ADAM22: variants seen among roughly 807,000 people sequenced by gnomAD.
ADAM22 encodes disintegrin and metalloproteinase domain-containing protein 22.
ADAM22 carries 65 observed loss-of-function variants against 144.6 expected under a neutral mutation model. That is an observed-to-expected ratio of 0.45 (90% CI 0.37 to 0.55). The LOEUF (loss-of-function observed/expected upper bound fraction) is 0.55, where lower values mean the gene tolerates loss of function less well. ADAM22 is among the 20% of genes least tolerant of loss of function. The pLI, the probability that ADAM22 is intolerant of heterozygous loss-of-function variation, is 0.00. For missense variants in ADAM22, 974 were observed against 1,184.9 expected (o/e 0.82, Z 2.61); for synonymous variants, 391 against 412.6 (o/e 0.95, Z 0.63).
intron 3 of ADAM22, among the ~76,000 whole-genome samples, chr7:88,041,776 A>G (rs1049608969): frequency 6.6e-6 from 1 of 151,928 alleles, no homozygotes; most frequent in African/African-American, 2.4e-5. Context: ...TGAATAATCA[A>G]ATTATGGCTT....
At chr7:88,117,168 A>G (rs1049386195) in intron 7 of ADAM22, among the ~76,000 whole-genome samples, 1 of 152,170 alleles carries the variant, frequency 6.6e-6, no homozygotes, top group Admixed American at 6.5e-5. Context: ...TTCCCTATTT[A>G]TTGTTTTCCT....
chr7:88,088,289 C>T (rs1481425579), intron 4 of ADAM22, among the ~76,000 whole-genome samples: 3 of 152,156 alleles, frequency 2.0e-5, no homozygotes, highest in Non-Finnish European at 4.4e-5. Flanking sequence ...CTTCTGTTCA[C>T]ATCTGTCTTC....
At chr7:87,944,062 G>C (rs1166268040) in intron 2 of ADAM22, among the ~76,000 whole-genome samples, 4 of 151,968 alleles carry the variant, frequency 2.6e-5, no homozygotes, top group African/African-American at 9.7e-5. Context: ...TGAGTTGTGT[G>C]AGACCACTTA....
In ADAM22 at chr7:88,156,012, TATCTAACC is replaced by T. The variant is rs770524009; in HGVS notation, c.1907+9_1907+16del. 8 of 1,612,132 alleles carry T rather than the reference TATCTAACC, an allele frequency of 5.0e-6. No individual in the cohort carries two copies. The Admixed American group carries it at 8.4e-5, about 17-fold the overall frequency. ...GGAAGAACATTAAACTGCAGGTAATTATCTAACCATTCTGTAAGAATCTGAGTCATCTT... is the reference window on the plus strand; with the variant it reads ...GGAAGAACATTAAACTGCAGGTAATTATTCTGTAAGAATCTGAGTCATCTT... On this transcript the variant is annotated splice_region_variant and intron_variant, in intron 22 of 31. Coordinates refer to ENST00000413139, the MANE Select transcript of ADAM22 (RefSeq NM_001324418.2).
chr7:88,192,941 A>G (rs907941926), intron 30 of ADAM22, among the ~76,000 whole-genome samples, 175 bp from the exon 31 acceptor site: 1 of 152,262 alleles, frequency 6.6e-6, no homozygotes, highest in African/African-American at 2.4e-5. Context: ...TTAGGAAGAT[A>G]AAATTGCAGC....
rs17150164 is a variant in ADAM22, at chr7:88,052,121, C to T, written c.324-23505C>T. Reference sequence around the variant, plus strand: ...TTACTGCCCACCACTTGGGGTGTCCCTGCTATCCACTTCACTTTGTAAACA... The same window carrying T: ...TTACTGCCCACCACTTGGGGTGTCCTTGCTATCCACTTCACTTTGTAAACA... On this transcript the variant is annotated intron_variant, in intron 3 of 31. Coordinates refer to ENST00000413139, the MANE Select transcript of ADAM22 (RefSeq NM_001324418.2). Among the ~76,000 whole-genome samples the T allele has an allele frequency of 6.6e-5, 10 of 152,148 alleles. No individual in the cohort carries two copies. In the East Asian group the frequency reaches 1.9e-3, roughly 29 times the overall value.
intron 3 of ADAM22, among the ~76,000 whole-genome samples, chr7:87,983,161 T>C (rs1217016850): frequency 1.3e-5 from 2 of 152,170 alleles, no homozygotes; most frequent in African/African-American, 4.8e-5. Flanking sequence ...TTTTCTTAGA[T>C]ATTTTTGCCT....
At chr7:88,103,743 G>T (rs1823584055) in intron 4 of ADAM22, among the ~76,000 whole-genome samples, 1 of 152,078 alleles carries the variant, frequency 6.6e-6, no homozygotes, top group African/African-American at 2.4e-5. Context: ...TCAGATTATT[G>T]TATATAATAC....
At chr7:88,090,986 A>G (rs191682894) in intron 4 of ADAM22, among the ~76,000 whole-genome samples, 1 of 152,320 alleles carries the variant, frequency 6.6e-6, no homozygotes, top group East Asian at 1.9e-4. Context: ...TTCTCACAGA[A>G]GTATTTTAAA....
intron 4 of ADAM22, among the ~76,000 whole-genome samples, chr7:88,080,983 T>C (rs1378093312): frequency 6.6e-6 from 1 of 152,160 alleles, no homozygotes; most frequent in South Asian, 2.1e-4. Flanking sequence ...CCTCCCTAAC[T>C]CATTTTATGA....
intron 17 of ADAM22, among the ~76,000 whole-genome samples, chr7:88,148,713 C>A (rs1837342711): frequency 6.6e-6 from 1 of 152,064 alleles, no homozygotes; most frequent in Non-Finnish European, 1.5e-5. Flanking sequence ...AGAACCTGGA[C>A]TAACTGGCCT....
chr7:88,049,084 G>A (rs1805470926), intron 3 of ADAM22, among the ~76,000 whole-genome samples: 1 of 152,062 alleles, frequency 6.6e-6, no homozygotes, highest in Admixed American at 6.5e-5. Flanking sequence ...ATTTATATAG[G>A]TGTTAGTGTG....
At chr7:87,958,134 C>T (rs941111932) in intron 2 of ADAM22, among the ~76,000 whole-genome samples, 18 of 152,054 alleles carry the variant, frequency 1.2e-4, no homozygotes, top group Non-Finnish European at 2.1e-4. Context: ...TATTCTGTTT[C>T]GCTGTTATAA....
At chr7:87,981,720 C>T (rs1210553319) in intron 3 of ADAM22, among the ~76,000 whole-genome samples, 2 of 151,830 alleles carry the variant, frequency 1.3e-5, no homozygotes, top group Non-Finnish European at 2.9e-5. Context: ...AAGTAAAAAT[C>T]ACCATGGATA....
chr7:87,934,945 T>G (rs1297258370), intron 1 of ADAM22, 81 bp from the exon 2 acceptor site: 1 of 1,585,850 alleles, frequency 6.3e-7, no homozygotes, highest in Non-Finnish European at 8.7e-7. Context: ...GACGTAGGAC[T>G]GCAGGATGGA....
At chr7:87,952,022 C>CTTAA (rs1845361612) in intron 2 of ADAM22, among the ~76,000 whole-genome samples, 1 of 149,594 alleles carries the variant, frequency 6.7e-6, no homozygotes, top group African/African-American at 2.5e-5. Flanking sequence ...AGTTGCTTAT[C>CTTAA]AGCTTAAGGA....
intron 3 of ADAM22, among the ~76,000 whole-genome samples, chr7:88,019,857 A>G (rs946424484): frequency 3.0e-4 from 42 of 139,054 alleles, no homozygotes; most frequent in Admixed American, 8.1e-4. Context: ...CTCAAAAAAT[A>G]TGTGTGTGTG....
intron 3 of ADAM22, among the ~76,000 whole-genome samples, chr7:88,007,418 C>T (rs2129458571): frequency 6.6e-6 from 1 of 152,116 alleles, no homozygotes; most frequent in African/African-American, 2.4e-5. Context: ...CATATGGAAC[C>T]AAAAAAGAGC....
intron 3 of ADAM22, among the ~76,000 whole-genome samples, chr7:88,060,231 T>C (rs1327846174): frequency 6.6e-6 from 1 of 152,102 alleles, no homozygotes; most frequent in Non-Finnish European, 1.5e-5. Context: ...GGTTGGGGTA[T>C]TTGTGGCAAT....
Sources: allele counts gnomAD v4.1 joint callset (sites outside exome capture counted in the v4.1 genomes callset), GRCh38; gene constraint gnomAD v4.1.1; transcripts MANE v1.5; gene names NCBI Gene and HGNC (gene_info 2026-07-23, HGNC 2026-07-21).